Variants in B4GALNT3 observed in about 807,000 individuals in gnomAD.
B4GALNT3 encodes beta-1,4-N-acetylgalactosaminyltransferase 3.
B4GALNT3 carries 86 observed loss-of-function variants against 120.2 expected under a neutral mutation model. The observed-to-expected ratio is 0.72, with a 90% confidence interval of 0.60 to 0.86. B4GALNT3 has a LOEUF of 0.86. Among genes scored for constraint, B4GALNT3 ranks in the 40% least tolerant of loss-of-function variants. The pLI, the probability that B4GALNT3 is intolerant of heterozygous loss-of-function variation, is 0.00. For synonymous variants in B4GALNT3, 518 were observed against 510.4 expected (o/e 1.01, Z -0.20); for missense variants, 1,167 against 1,298.9 (o/e 0.90, Z 1.56).
intron 3 of B4GALNT3, among the ~76,000 whole-genome samples, chr12:539,550 A>AG (rs1415582123): frequency 1.3e-5 from 2 of 151,740 alleles, no homozygotes; most frequent in African/African-American, 4.8e-5. Context: ...AAAAAAAAAA[A>AG]AGAAAGAAAC....
chr12:556,819 A>C lies in B4GALNT3; in HGVS notation c.2333A>C (p.Gln778Pro). The change falls in exon 15 of 20, where the codon CAG (glutamine) becomes CCG (proline). Residue 778 changes from glutamine to proline, a missense_variant. Around this residue, in one of 3 missense-constraint regions of B4GALNT3, gnomAD observed 983 missense variants for 1,102.5 expected, o/e 0.89. Transcript: ENST00000266383. ...RAQEPKLCWP[Q>P]GFSWSHRAVV... ...CAAGAGCCCAAGCTGTGCTGGCCTC[A>C]GGGTTTCTCCTGGAGTCACCGAGCC... The C allele has an allele frequency of 6.2e-7, 1 of 1,613,450 alleles. No homozygotes were observed. Among genetic ancestry groups the C allele is most frequent in the Non-Finnish European group, 8.5e-7 (1 of 1,179,720 alleles).
intron 1 of B4GALNT3, among the ~76,000 whole-genome samples, chr12:526,566 A>G (rs1228497355): frequency 6.6e-6 from 1 of 152,104 alleles, no homozygotes; most frequent in Non-Finnish European, 1.5e-5. Flanking sequence ...AAATCACCCC[A>G]TTGTATCAAG....
chr12:485,610 G>A, intron 1 of B4GALNT3, among the ~76,000 whole-genome samples: 1 of 152,202 alleles, frequency 6.6e-6, no homozygotes, highest in Middle Eastern at 3.2e-3. Flanking sequence ...CTCAACCTCA[G>A]CTACGAATGG....
intron 16 of B4GALNT3, 109 bp from the exon 17 acceptor site, chr12:557,907 T>A (rs1296147453): frequency 6.8e-7 from 1 of 1,477,820 alleles, no homozygotes; most frequent in Non-Finnish European, 9.4e-7. Context: ...CACCTGCCCA[T>A]AATCCCATCC....
At position 552,442 on chromosome 12, in the gene B4GALNT3, A is replaced by T; in HGVS notation, c.1209-25A>T. ...TGAGCCCGCCATGCACCGGGTGCCAATGCACACCTCCCTTCCTCCTGCAGG... is the reference window on the plus strand; with the variant it reads ...TGAGCCCGCCATGCACCGGGTGCCATTGCACACCTCCCTTCCTCCTGCAGG... On this transcript the variant is annotated intron_variant, in intron 12 of 19. Coordinates refer to ENST00000266383, the MANE Select transcript of B4GALNT3 (RefSeq NM_173593.4). 1.9e-6 allele frequency: 3 copies of T among 1,610,914 alleles called. No individual in the cohort carries two copies. In the South Asian group the frequency reaches 3.3e-5, roughly 18 times the overall value.
intron 19 of B4GALNT3, among the ~76,000 whole-genome samples, chr12:559,792 G>A (rs139408418): frequency 3.9e-5 from 6 of 152,246 alleles, no homozygotes; most frequent in Non-Finnish European, 7.4e-5. Context: ...GTCAGCTGCC[G>A]AGCGGGGAGC....
rs926002855 is a variant in B4GALNT3, at chr12:505,065, T to A, written c.170-30101T>A. On this transcript the variant is annotated intron_variant, in intron 1 of 19. Transcript: ENST00000266383. The stretch of plus-strand genomic sequence containing the variant: ...ACCACCACGCCTGGCTAATGTTTTC[T>A]GTATTTTTAGTAGAGACAGGGTTTC... Among the ~76,000 whole-genome samples, 3 of 152,148 alleles carry A rather than the reference T, an allele frequency of 2.0e-5. No homozygotes were observed. The East Asian group carries it at 5.8e-4, about 29-fold the overall frequency.
In B4GALNT3 at chr12:548,499, C is replaced by T. The variant is rs964911351; in HGVS notation, c.853+202C>T. On this transcript the variant is annotated intron_variant, in intron 9 of 19. Coordinates refer to ENST00000266383, the MANE Select transcript of B4GALNT3 (RefSeq NM_173593.4). The surrounding 1 kb of genome is among the most constrained non-coding windows in gnomAD (Gnocchi z 4.9). ...CCAGGGTCAGTGACCCCTTTGAGAA[C>T]CTGCTAGAAGCTCTCTGAGCCCTTG... Among the ~76,000 whole-genome samples the T allele has an allele frequency of 2.0e-5, 3 of 152,116 alleles. No homozygotes were observed. The highest frequency in any genetic ancestry group is 4.4e-5 in the Non-Finnish European group (3 of 68,006).
chr12:547,969 C>T lies in B4GALNT3; in HGVS notation c.708-55C>T, dbSNP rs1947029086. ...GCTGGAAGGGGGTGGGACAGAGCCG[C>T]GACCCCAGGGCCCATGGAGATGGCG... On this transcript the variant is annotated intron_variant, in intron 7 of 19. Coordinates refer to ENST00000266383, the MANE Select transcript of B4GALNT3 (RefSeq NM_173593.4). 9 of 1,505,972 alleles carry T rather than the reference C, an allele frequency of 6.0e-6. No homozygotes were observed. In the South Asian group the frequency reaches 9.0e-5, roughly 15 times the overall value. The allele number at this position is 1,505,972 out of a possible 1,614,324, so 93.3% of individuals were successfully genotyped here. A position where few individuals can be genotyped will look rare whatever the true frequency, so the allele number is the denominator to read the frequency against.
intron 1 of B4GALNT3, among the ~76,000 whole-genome samples, chr12:533,360 C>T (rs1406555581): frequency 6.6e-6 from 1 of 152,228 alleles, no homozygotes; most frequent in African/African-American, 2.4e-5. Flanking sequence ...CACACCCCTG[C>T]CCTGAACTCG....
intron 1 of B4GALNT3, among the ~76,000 whole-genome samples, chr12:500,459 G>A (rs1311672155): frequency 6.6e-6 from 1 of 152,172 alleles, no homozygotes; most frequent in Non-Finnish European, 1.5e-5. Context: ...GCTTTCTGCT[G>A]AGCCTAGTCC....
At chr12:525,253 T>C (rs1186894013) in intron 1 of B4GALNT3, among the ~76,000 whole-genome samples, 1 of 152,020 alleles carries the variant, frequency 6.6e-6, no homozygotes, top group Non-Finnish European at 1.5e-5. Flanking sequence ...GGATTACAGG[T>C]AAGCACCACC....
intron 1 of B4GALNT3, among the ~76,000 whole-genome samples, chr12:480,286 A>G (rs1946226687): frequency 6.6e-6 from 1 of 152,126 alleles, no homozygotes. Flanking sequence ...TCTTAAGCAT[A>G]TGGTTAGGGT....
chr12:511,814 TTCCACCTTCC>T (rs1946571511), intron 1 of B4GALNT3, among the ~76,000 whole-genome samples: 1 of 59,750 alleles, frequency 1.7e-5, no homozygotes, highest in Non-Finnish European at 3.6e-5. Flanking sequence ...TTCCACCTTC[TTCCACCTTCC>T]ACCTTCCACC....
chr12:507,225 G>A lies in B4GALNT3; in HGVS notation c.170-27941G>A, dbSNP rs528444220. Among the ~76,000 whole-genome samples, 8 of 152,238 alleles carry A rather than the reference G, an allele frequency of 5.3e-5. No homozygotes were observed. In the South Asian group the frequency reaches 8.3e-4, roughly 16 times the overall value. Reference sequence around the variant, plus strand: ...CCTACTGGCCATGACAGATTTAAGCGTTTTTTTGATAGTGTCACTTTTGTG... The same window carrying A: ...CCTACTGGCCATGACAGATTTAAGCATTTTTTTGATAGTGTCACTTTTGTG... On this transcript the variant is annotated intron_variant, in intron 1 of 19. Transcript: ENST00000266383.
intron 1 of B4GALNT3, among the ~76,000 whole-genome samples, chr12:522,191 G>A (rs966504400): frequency 6.6e-6 from 1 of 152,126 alleles, no homozygotes; most frequent in Non-Finnish European, 1.5e-5. Context: ...GGCAAGCAAG[G>A]GCTCTGAGAG....
intron 14 of B4GALNT3, among the ~76,000 whole-genome samples, chr12:556,035 G>A (rs1176708241): frequency 3.3e-5 from 5 of 152,112 alleles, no homozygotes; most frequent in South Asian, 4.2e-4. Flanking sequence ...CACCTGCCTT[G>A]GCCTCCCAAA....
intron 1 of B4GALNT3, among the ~76,000 whole-genome samples, chr12:475,503 C>G (rs10849067): frequency 0.074 from 11,335 of 152,154 alleles, 541 homozygotes; most frequent in African/African-American, 0.13. Flanking sequence ...CCTGTCCCGG[C>G]AGAACCGGAG....
chr12:524,778 A>G (rs1237747641), intron 1 of B4GALNT3, among the ~76,000 whole-genome samples: 1 of 152,246 alleles, frequency 6.6e-6, no homozygotes, highest in Non-Finnish European at 1.5e-5. Context: ...TAAAATGGGA[A>G]TAATAATACC....
Sources: allele counts gnomAD v4.1 joint callset (sites outside exome capture counted in the v4.1 genomes callset), GRCh38; gene constraint gnomAD v4.1.1; regional missense constraint gnomAD v4.1.1; non-coding constraint Gnocchi (gnomAD v3.1); transcripts MANE v1.5; gene names NCBI Gene and HGNC (gene_info 2026-07-23, HGNC 2026-07-21).